Variants in IFT52 observed in about 807,000 individuals in gnomAD.
The protein encoded by IFT52 is intraflagellar transport 52.
A neutral mutation model predicts 54.4 loss-of-function variants in IFT52; 44 were observed. That is an observed-to-expected ratio of 0.81 (90% CI 0.63 to 1.04). The LOEUF is 1.04. IFT52 is among the 50% of genes least tolerant of loss of function. The pLI is 0.00. For synonymous variants in IFT52, 181 were observed against 185.3 expected (o/e 0.98, Z 0.19); for missense variants, 452 against 523.6 (o/e 0.86, Z 1.33).
chr20:43,618,335 C>T (rs1196737400), intron 7 of IFT52: 1 of 151,678 alleles, frequency 6.6e-6, no homozygotes, highest in Non-Finnish European at 1.5e-5. Flanking sequence ...CCCAGCTTCC[C>T]AAGTAGCTAG....
At chr20:43,636,626 G>A (rs1459498271) in intron 11 of IFT52, among the ~76,000 whole-genome samples, 2 of 152,110 alleles carry the variant, frequency 1.3e-5, no homozygotes, top group African/African-American at 4.8e-5. Context: ...CATACCATTG[G>A]TTCATACCTA....
chr20:43,605,242 G>A, intron 6 of IFT52, 169 bp downstream of exon 6: 3 of 1,403,950 alleles, frequency 2.1e-6, no homozygotes, highest in Non-Finnish European at 2.8e-6. Flanking sequence ...TCCCCCTGAA[G>A]GTAGTCTTAA....
At chr20:43,597,570 T>G (rs532454912) in intron 3 of IFT52, among the ~76,000 whole-genome samples, 1 of 152,128 alleles carries the variant, frequency 6.6e-6, no homozygotes, top group Non-Finnish European at 1.5e-5. Context: ...AAAAACAGTA[T>G]GGTAGTTCCT....
Position 43,637,738 on chromosome 20 carries a change from C to T in IFT52, c.1120+485C>T, listed in dbSNP as rs1030793374. Among the ~76,000 whole-genome samples the T allele has an allele frequency of 2.6e-5, 4 of 152,166 alleles. 1 individual carries two copies. Among genetic ancestry groups the T allele is most frequent in the Admixed American group, 1.3e-4 (2 of 15,272 alleles). Reference sequence around the variant, plus strand: ...TGTAAATAATGTTGGTTGTTCTTCTCGAGGCTATTTAGTTCAGTGAATTAG... The same window carrying T: ...TGTAAATAATGTTGGTTGTTCTTCTTGAGGCTATTTAGTTCAGTGAATTAG... On this transcript the variant is annotated intron_variant, in intron 12 of 13. Transcript: ENST00000373030.
At chr20:43,606,998 C>T (rs1461116233) in intron 6 of IFT52, among the ~76,000 whole-genome samples, 7 of 152,262 alleles carry the variant, frequency 4.6e-5, no homozygotes, top group Admixed American at 6.5e-5. Flanking sequence ...TACACAGACA[C>T]AGCAACCATC....
At chr20:43,641,729 C>T (rs945232465) in intron 12 of IFT52, among the ~76,000 whole-genome samples, 16 of 151,800 alleles carry the variant, frequency 1.1e-4, no homozygotes, top group African/African-American at 3.6e-4. Context: ...CTCCTGACCT[C>T]GTGATCCGCT....
chr20:43,594,343 C>T (rs1056592828), intron 1 of IFT52, among the ~76,000 whole-genome samples: 1 of 151,990 alleles, frequency 6.6e-6, no homozygotes, highest in Non-Finnish European at 1.5e-5. Context: ...AGACTATACC[C>T]TGCGCTTAAC....
intron 12 of IFT52, among the ~76,000 whole-genome samples, chr20:43,641,008 G>C (rs1261791950): frequency 3.6e-5 from 5 of 140,174 alleles, no homozygotes; most frequent in Admixed American, 1.5e-4. Flanking sequence ...TCCAGCCTGG[G>C]TGATAGAGCC....
chr20:43,607,928 C>A (rs59659676), intron 6 of IFT52, among the ~76,000 whole-genome samples: 4 of 152,172 alleles, frequency 2.6e-5, no homozygotes, highest in Admixed American at 2.0e-4. Flanking sequence ...GGGGATCACT[C>A]GCGGTTAGGA....
At chr20:43,602,136 ATTT>A (rs66546319) in intron 3 of IFT52, among the ~76,000 whole-genome samples, 79 of 140,314 alleles carry the variant, frequency 5.6e-4, no homozygotes, top group Middle Eastern at 3.8e-3. Flanking sequence ...CTTTGAGCTG[ATTT>A]TTATTTTATT....
chr20:43,596,191 C>G (rs1281556882), intron 2 of IFT52, among the ~76,000 whole-genome samples: 5 of 152,182 alleles, frequency 3.3e-5, no homozygotes, highest in Non-Finnish European at 5.9e-5. Context: ...CTTCCTTATG[C>G]TTTAGCATGG....
chr20:43,596,040 T>A (rs1981929821), intron 2 of IFT52, among the ~76,000 whole-genome samples: 1 of 152,248 alleles, frequency 6.6e-6, no homozygotes, highest in Admixed American at 6.5e-5. Context: ...TTCTTCATAT[T>A]TTGACTCAGG....
At chr20:43,615,300 C>T (rs1319383217) in intron 7 of IFT52, among the ~76,000 whole-genome samples, 1 of 152,076 alleles carries the variant, frequency 6.6e-6, no homozygotes, top group Non-Finnish European at 1.5e-5. Flanking sequence ...ACCTCAGCCT[C>T]CCAAAGTGCT....
intron 10 of IFT52, 129 bp from the exon 11 acceptor site, chr20:43,635,797 G>A: frequency 1.4e-6 from 1 of 722,386 alleles, no homozygotes; most frequent in Non-Finnish European, 2.3e-6. Flanking sequence ...TGGGATTGCT[G>A]GGTCCAGTGG....
intron 6 of IFT52, among the ~76,000 whole-genome samples, chr20:43,608,040 C>T (rs1276037016): frequency 1.1e-5 from 1 of 88,890 alleles, no homozygotes; most frequent in Non-Finnish European, 2.5e-5. Flanking sequence ...CACAGGCACT[C>T]GGCAGGCTGA....
chr20:43,641,111 A>C (rs1237162162), intron 12 of IFT52, among the ~76,000 whole-genome samples: 1 of 151,732 alleles, frequency 6.6e-6, no homozygotes, highest in East Asian at 1.9e-4. Flanking sequence ...TCTATCCTAC[A>C]TGTAGGGCTC....
chr20:43,611,561 C>A (rs1216185378), intron 6 of IFT52, among the ~76,000 whole-genome samples: 1 of 148,700 alleles, frequency 6.7e-6, no homozygotes, highest in Non-Finnish European at 1.5e-5. Flanking sequence ...CTCCTGACTC[C>A]CGAGTAGCTG....
intron 1 of IFT52, 53 bp downstream of exon 1, chr20:43,591,107 G>C (rs1981472552): frequency 6.6e-6 from 1 of 152,458 alleles, no homozygotes; most frequent in Admixed American, 6.5e-5. Flanking sequence ...CGGCCTGGGA[G>C]CTGGCGAGGG....
chr20:43,624,780 C>T (rs183800067), intron 10 of IFT52, among the ~76,000 whole-genome samples: 17 of 152,280 alleles, frequency 1.1e-4, no homozygotes, highest in African/African-American at 3.9e-4. Flanking sequence ...CAGGGCTCAT[C>T]TTCACTGTTT....
Sources: gnomAD v4.1 joint callset for allele counts (sites outside exome capture counted in the v4.1 genomes callset) on GRCh38, gnomAD v4.1.1 for gene constraint, MANE v1.5 for transcripts, NCBI Gene and HGNC (gene_info 2026-07-23, HGNC 2026-07-21) for gene names.